The following PCDHGC4 variants were observed in gnomAD, a reference collection of about 807,000 sequenced individuals.
PCDHGC4 encodes the protein protocadherin gamma subfamily C, 4.
A neutral mutation model predicts 59.7 loss-of-function variants in PCDHGC4; 15 were observed. The observed-to-expected ratio is 0.25, with a 90% CI of 0.17 to 0.39. The LOEUF (loss-of-function observed/expected upper bound fraction) is 0.39. Among genes scored for constraint, PCDHGC4 ranks in the 10% least tolerant of loss-of-function variants. The pLI is 1.00. For synonymous variants in PCDHGC4, 434 were observed against 481.4 expected (o/e 0.90, Z 1.29); for missense variants, 1,016 against 1,189.5 (o/e 0.85, Z 2.15).
At position 141,491,423 on chromosome 5, in the gene PCDHGC4, G is replaced by A; in HGVS notation, c.2443-3384G>A. The A allele has an allele frequency of 3.1e-6, 5 of 1,614,126 alleles. No homozygotes were observed. Among genetic ancestry groups the A allele is most frequent in the Non-Finnish European group, 4.2e-6 (5 of 1,180,036 alleles). ...AACGCAGACGGGGACGGGGGTGGAGGGCAGTGCTGCAGGCGCCAGGACTCA... is the reference window on the plus strand; with the variant it reads ...AACGCAGACGGGGACGGGGGTGGAGAGCAGTGCTGCAGGCGCCAGGACTCA... On this transcript the variant is annotated intron_variant, in intron 1 of 3. Transcript: ENST00000306593. The surrounding 1 kb of genome is among the most constrained non-coding windows in gnomAD (Gnocchi z 6.9).
At chr5:141,492,637 C>T (rs2099742781) in intron 1 of PCDHGC4, among the ~76,000 whole-genome samples, 1 of 152,260 alleles carries the variant, frequency 6.6e-6, no homozygotes, top group South Asian at 2.1e-4. Context: ...CTCTACGATC[C>T]TTGGGCCAGA....
In PCDHGC4 at chr5:141,489,432, G is replaced by A. The variant is rs2099687138; in HGVS notation, c.2442+1817G>A. ...TGACAGATCTGTTGAGCCGGCGGCTGCAATTGGGCTCTGAGGAGAATGGGC... is the reference window on the plus strand; with the variant it reads ...TGACAGATCTGTTGAGCCGGCGGCTACAATTGGGCTCTGAGGAGAATGGGC... On this transcript the variant is annotated intron_variant, in intron 1 of 3. Transcript: ENST00000306593. The surrounding 1 kb of genome is among the most constrained non-coding windows in gnomAD (Gnocchi z 4.5). 3.1e-6 allele frequency: 5 copies of A among 1,614,166 alleles called. No individual in the cohort carries two copies. Among genetic ancestry groups the A allele is most frequent in the Non-Finnish European group, 4.2e-6 (5 of 1,180,036 alleles).
chr5:141,501,666 T>C (rs2099810374), intron 2 of PCDHGC4, among the ~76,000 whole-genome samples: 1 of 152,142 alleles, frequency 6.6e-6, no homozygotes. Context: ...TTGGAAAATA[T>C]AGATAATCAC....
chr5:141,495,873 C>G (rs2099764359), intron 2 of PCDHGC4, among the ~76,000 whole-genome samples: 1 of 152,146 alleles, frequency 6.6e-6, no homozygotes, highest in Admixed American at 6.6e-5. Flanking sequence ...CTGCTTTCCT[C>G]TCTGTTCTTT....
intron 2 of PCDHGC4, among the ~76,000 whole-genome samples, chr5:141,496,335 C>G (rs2099768099): frequency 1.3e-5 from 2 of 152,204 alleles, no homozygotes; most frequent in Admixed American, 6.5e-5. Flanking sequence ...AAGTCAGGAG[C>G]CTGGAGGAGT....
chr5:141,491,109 A>G lies in PCDHGC4; in HGVS notation c.2442+3494A>G, dbSNP rs1039906987. 4.3e-6 allele frequency: 7 copies of G among 1,614,074 alleles called. No individual in the cohort carries two copies. The African/African-American group carries it at 9.3e-5, about 22-fold the overall frequency. ...CCCCAGGACTGTTCCTCGTGTCTAC[A>G]CACACTGGTGAGGTGCGCACAGCCC... On this transcript the variant is annotated intron_variant, in intron 1 of 3. Coordinates refer to ENST00000306593, the MANE Select transcript of PCDHGC4 (RefSeq NM_018928.3). The surrounding 1 kb of genome is among the most constrained non-coding windows in gnomAD (Gnocchi z 6.9).
chr5:141,485,882 G>C lies in PCDHGC4; in HGVS notation c.709G>C (p.Asp237His). 6.2e-7 allele frequency: 1 copy of C among 1,614,146 alleles called. No homozygotes were observed. The change falls in exon 1 of 4, where the codon GAC becomes CAC. Residue 237 changes from aspartate (D) to histidine (H), a missense_variant. Asp to His is a moderately conservative substitution (Grantham distance 81). Transcript: ENST00000306593. The surrounding 1 kb of genome is among the most constrained non-coding windows in gnomAD (Gnocchi z 5.7). ...CCGGGTATCCGTGCTGGACGTAAACGACAACGCCCCAGCCTTCCAGCAATC... is the reference window on the plus strand; with the variant it reads ...CCGGGTATCCGTGCTGGACGTAAACCACAACGCCCCAGCCTTCCAGCAATC... ...ELRVSVLDVNDNAPAFQQSSY... is the reference protein window; with the variant it reads ...ELRVSVLDVNHNAPAFQQSSY...
intron 2 of PCDHGC4, among the ~76,000 whole-genome samples, chr5:141,501,728 C>A (rs1284130771): frequency 1.3e-5 from 2 of 152,134 alleles, no homozygotes; most frequent in East Asian, 1.9e-4. Flanking sequence ...ATATATTACC[C>A]AGTCAGCTTA....
intron 3 of PCDHGC4, among the ~76,000 whole-genome samples, chr5:141,510,034 T>A (rs2099879281): frequency 6.6e-6 from 1 of 152,156 alleles, no homozygotes; most frequent in Non-Finnish European, 1.5e-5. Flanking sequence ...TGGGCTGTTA[T>A]GTAGAGGTTA....
Position 141,485,684 on chromosome 5 carries a change from A to T in PCDHGC4, c.511A>T (p.Arg171Trp), listed in dbSNP as rs746176226. The change falls in exon 1 of 4, where the codon AGG becomes TGG. Residue 171 changes from arginine to tryptophan, a missense_variant. By Grantham distance (101) the Arg-to-Trp change is moderately radical. Transcript: ENST00000306593. The surrounding 1 kb of genome is among the most constrained non-coding windows in gnomAD (Gnocchi z 5.7). ...GGGGAGCAATTCGATTAGCAGCTAT[A>T]GGCTGAGCTCCAATGAACACTTTGC... ...DVGSNSISSY[R>W]LSSNEHFALD... 1 of 1,614,056 alleles carries T rather than the reference A, an allele frequency of 6.2e-7. No homozygotes were observed. The highest frequency in any genetic ancestry group is 1.1e-5 in the South Asian group (1 of 91,082).
rs781367282 is a variant in PCDHGC4 at position 141,485,525 on chromosome 5, C to G, written c.352C>G (p.Arg118Gly). The change falls in exon 1 of 4, where the codon CGA (arginine) becomes GGA (glycine). Residue 118 changes from arginine (R) to glycine (G), a missense_variant. Transcript: ENST00000306593. This position sits in a 1 kb window ranked among gnomAD's most constrained non-coding sequence, Gnocchi z 5.7. ...CACCGAAGGTCCTTTGGAAATGTAC[C>G]GAGCAGAGGTAGAGATCGTAGATGT... is the stretch of plus-strand genomic sequence containing the variant. Reference protein sequence around the residue: ...FVTEGPLEMYRAEVEIVDVND... With the variant: ...FVTEGPLEMYGAEVEIVDVND... 5 of 1,614,122 alleles carry G rather than the reference C, an allele frequency of 3.1e-6. No homozygotes were observed. The highest frequency in any genetic ancestry group is 2.5e-6 in the Non-Finnish European group (3 of 1,180,022).
Position 141,511,579 on chromosome 5 carries a change from G to T in PCDHGC4, c.*406G>T. The T allele has an allele frequency of 3.6e-6, 1 of 280,798 alleles. No individual in the cohort carries two copies. Among genetic ancestry groups the T allele is most frequent in the South Asian group, 4.1e-5 (1 of 24,614 alleles). 17.4% of individuals were successfully genotyped at this position (280,798 alleles called of 1,614,324 possible). On this transcript the variant is annotated 3_prime_UTR_variant, in exon 4 of 4. Transcript: ENST00000306593. Reference sequence around the variant, plus strand: ...CCTCTTTCCCGAGTAAGGTGGTTGGGGTGTTGAAGTACCAAGTAACCTACA... The same window carrying T: ...CCTCTTTCCCGAGTAAGGTGGTTGGTGTGTTGAAGTACCAAGTAACCTACA...
At position 141,486,447 on chromosome 5, in the gene PCDHGC4, T is replaced by A. The variant is rs1452869378; in HGVS notation, c.1274T>A (p.Val425Asp). 6.2e-7 allele frequency: 1 copy of A among 1,614,058 alleles called. No individual in the cohort carries two copies. The highest frequency in any genetic ancestry group is 1.7e-5 in the Admixed American group (1 of 60,012). Residue 425 changes from valine (V) to aspartate (D), a missense_variant, in exon 1 of 4, where the codon GTC (valine) becomes GAC (aspartate). Coordinates refer to ENST00000306593, the MANE Select transcript of PCDHGC4 (RefSeq NM_018928.3). This position sits in a 1 kb window ranked among gnomAD's most constrained non-coding sequence, Gnocchi z 5.0. Reference sequence around the variant, plus strand: ...GCCAAATCTAGCTATGACATCATGGTCACTGCTTCTGATGCTGGGAACCCT... The same window carrying A: ...GCCAAATCTAGCTATGACATCATGGACACTGCTTCTGATGCTGGGAACCCT... ...REAKSSYDIMVTASDAGNPPL... is the reference protein window; with the variant it reads ...REAKSSYDIMDTASDAGNPPL...
Position 141,485,151 on chromosome 5 carries a change from T to C in PCDHGC4, c.-23T>C, listed in dbSNP as rs1191585056. 1.0e-5 allele frequency: 16 copies of C among 1,584,876 alleles called. No homozygotes were observed. Among genetic ancestry groups the C allele is most frequent in the Non-Finnish European group, 1.3e-5 (15 of 1,156,528 alleles). On this transcript the variant is annotated 5_prime_UTR_variant, in exon 1 of 4. Coordinates refer to ENST00000306593, the MANE Select transcript of PCDHGC4 (RefSeq NM_018928.3). This position sits in a 1 kb window ranked among gnomAD's most constrained non-coding sequence, Gnocchi z 5.7. ...GCTTCATCCGCGTCTCAGGAGCAAG[T>C]AGAGAATTAGCGGGCGGCAGCAATG...
At chr5:141,496,617 A>G (rs2099769939) in intron 2 of PCDHGC4, among the ~76,000 whole-genome samples, 2 of 152,236 alleles carry the variant, frequency 1.3e-5, no homozygotes, top group Admixed American at 1.3e-4. Flanking sequence ...AAAAAGCAGC[A>G]GATCAAAAGG....
chr5:141,503,161 T>C (rs1035413931), intron 2 of PCDHGC4, among the ~76,000 whole-genome samples: 3 of 152,054 alleles, frequency 2.0e-5, no homozygotes, highest in Admixed American at 1.3e-4. Context: ...AGTATCACAA[T>C]TGCAATTACT....
Position 141,485,835 on chromosome 5 carries a change from C to T in PCDHGC4, c.662C>T (p.Pro221Leu), listed in dbSNP as rs747722740. The change falls in exon 1 of 4, where the codon CCG becomes CTG. Residue 221 changes from proline (P) to leucine (L), a missense_variant. Pro to Leu is a moderately conservative substitution (Grantham distance 98). Transcript: ENST00000306593. This position sits in a 1 kb window ranked among gnomAD's most constrained non-coding sequence, Gnocchi z 5.7. ...ACTGCTGTCGATGGAGGGAACCCGC[C>T]GAGATCTGGCACCGCAGAGCTCCGG... ...VLTAVDGGNP[P>L]RSGTAELRVS... 6.2e-7 allele frequency: 1 copy of T among 1,614,190 alleles called. No homozygotes were observed. Among genetic ancestry groups the T allele is most frequent in the Non-Finnish European group, 8.5e-7 (1 of 1,180,048 alleles).
Position 141,489,569 on chromosome 5 carries a change from C to T in PCDHGC4, c.2442+1954C>T. On this transcript the variant is annotated intron_variant, in intron 1 of 3. Coordinates refer to ENST00000306593, the MANE Select transcript of PCDHGC4 (RefSeq NM_018928.3). This position sits in a 1 kb window ranked among gnomAD's most constrained non-coding sequence, Gnocchi z 4.5. ...TGCCTGCTGCCAGTGCAGGTGGTGACTGAACACCCCCTGGAGCTAATCCGT... is the reference window on the plus strand; with the variant it reads ...TGCCTGCTGCCAGTGCAGGTGGTGATTGAACACCCCCTGGAGCTAATCCGT... 6.2e-7 allele frequency: 1 copy of T among 1,614,024 alleles called. No homozygotes were observed. The highest frequency in any genetic ancestry group is 2.2e-5 in the East Asian group (1 of 44,870).
chr5:141,485,116 G>T lies in PCDHGC4; in HGVS notation c.-58G>T, dbSNP rs904145668. ...TGTCTCCAGCTGCTGTGGCTGTTTGGGGCGGGTCGGCTTCATCCGCGTCTC... is the reference window on the plus strand; with the variant it reads ...TGTCTCCAGCTGCTGTGGCTGTTTGTGGCGGGTCGGCTTCATCCGCGTCTC... On this transcript the variant is annotated 5_prime_UTR_variant, in exon 1 of 4. Coordinates refer to ENST00000306593, the MANE Select transcript of PCDHGC4 (RefSeq NM_018928.3). This position sits in a 1 kb window ranked among gnomAD's most constrained non-coding sequence, Gnocchi z 5.7. 3.0e-6 allele frequency: 4 copies of T among 1,312,058 alleles called. No homozygotes were observed. The African/African-American group carries it at 5.8e-5, about 19-fold the overall frequency. 81.3% of individuals were successfully genotyped at this position (1,312,058 alleles called of 1,614,324 possible).
Sources: gnomAD v4.1 joint callset for allele counts (sites outside exome capture counted in the v4.1 genomes callset) on GRCh38, gnomAD v4.1.1 for gene constraint, Gnocchi (gnomAD v3.1) non-coding constraint, MANE v1.5 for transcripts, NCBI Gene and HGNC (gene_info 2026-07-23, HGNC 2026-07-21) for gene names.